NDUFAF2: variants seen among roughly 807,000 people sequenced by gnomAD.
The protein encoded by NDUFAF2 is NADH dehydrogenase [ubiquinone] 1 alpha subcomplex assembly factor 2.
In NDUFAF2, 13 loss-of-function variants were observed where a neutral mutation model predicts 22.8. The observed-to-expected ratio is 0.57, with a 90% CI of 0.37 to 0.91. NDUFAF2 has a LOEUF of 0.91. Ranked by LOEUF, NDUFAF2 falls within the 40% of genes least tolerant of loss-of-function variation. NDUFAF2 has a pLI of 0.01. For missense variants in NDUFAF2, 162 were observed against 195.2 expected (o/e 0.83, Z 1.01); for synonymous variants, 53 against 64.2 (o/e 0.83, Z 0.84).
At chr5:61,063,365 G>A (rs1411456813) in intron 1 of NDUFAF2, among the ~76,000 whole-genome samples, 2 of 151,692 alleles carry the variant, frequency 1.3e-5, no homozygotes, top group Admixed American at 6.6e-5. Context: ...AAAGTTAGCT[G>A]GGTGTTGTGG....
At chr5:61,041,156 AAG>A (rs1751877579) in intron 1 of NDUFAF2, among the ~76,000 whole-genome samples, 2 of 152,204 alleles carry the variant, frequency 1.3e-5, no homozygotes, top group Non-Finnish European at 2.9e-5. Context: ...AGTAACATCT[AAG>A]AGGATATATA....
At chr5:61,144,978 T>C (rs1472780742) in intron 3 of NDUFAF2, among the ~76,000 whole-genome samples, 2 of 152,200 alleles carry the variant, frequency 1.3e-5, no homozygotes, top group Non-Finnish European at 2.9e-5. Flanking sequence ...AAAGTTAATG[T>C]ATAGTAGGAT....
At chr5:61,114,560 G>A (rs1416424216) in intron 3 of NDUFAF2, 1 of 152,142 alleles carries the variant, frequency 6.6e-6, no homozygotes, top group Non-Finnish European at 1.5e-5. Flanking sequence ...CTTTGATGAG[G>A]TTTTGTTTTC....
chr5:61,081,865 T>A (rs1329077214), intron 2 of NDUFAF2, among the ~76,000 whole-genome samples: 1 of 152,258 alleles, frequency 6.6e-6, no homozygotes, highest in East Asian at 1.9e-4. Flanking sequence ...AAAAGCAATC[T>A]GGCAAGGAAC....
intron 1 of NDUFAF2, among the ~76,000 whole-genome samples, chr5:61,023,425 A>G (rs555569714): frequency 2.0e-5 from 3 of 152,142 alleles, no homozygotes; most frequent in Non-Finnish European, 4.4e-5. Flanking sequence ...TATTTATTAC[A>G]TCAGCTAAAG....
chr5:61,126,008 G>T (rs295577), intron 3 of NDUFAF2, among the ~76,000 whole-genome samples: 25 of 151,974 alleles, frequency 1.6e-4, no homozygotes, highest in Admixed American at 5.3e-4. Flanking sequence ...TAGTACCAAA[G>T]GAAAGATCCA....
intron 3 of NDUFAF2, among the ~76,000 whole-genome samples, chr5:61,144,805 G>A (rs1424587170): frequency 6.6e-6 from 1 of 152,158 alleles, no homozygotes; most frequent in Non-Finnish European, 1.5e-5. Context: ...GGTTTAAATA[G>A]CTTTAGTTTT....
intron 1 of NDUFAF2, among the ~76,000 whole-genome samples, chr5:61,056,939 T>A (rs1752107558): frequency 2.5e-5 from 3 of 122,240 alleles, no homozygotes; most frequent in African/African-American, 6.6e-5. Context: ...TATATATATA[T>A]ATATATATAT....
intron 1 of NDUFAF2, among the ~76,000 whole-genome samples, chr5:61,033,913 T>C (rs1286161730): frequency 6.6e-6 from 1 of 152,130 alleles, no homozygotes; most frequent in Admixed American, 6.6e-5. Context: ...TTTGATAAAT[T>C]AATAGCTGAC....
rs182868041 is a variant in NDUFAF2, at chr5:61,107,669, T to G, written c.258+8637T>G. Among the ~76,000 whole-genome samples, 22 of 150,040 alleles carry G rather than the reference T, an allele frequency of 1.5e-4. No homozygotes were observed. The East Asian group carries it at 4.3e-3, about 29-fold the overall frequency. ...CTCTTTTTTTAATTATGATTACTATTATTATTATTATTATACTTTAAGTTT... is the reference window on the plus strand; with the variant it reads ...CTCTTTTTTTAATTATGATTACTATGATTATTATTATTATACTTTAAGTTT... On this transcript the variant is annotated intron_variant, in intron 3 of 3. Transcript: ENST00000296597.
intron 3 of NDUFAF2, among the ~76,000 whole-genome samples, chr5:61,141,380 G>T (rs909471504): frequency 6.6e-6 from 1 of 151,976 alleles, no homozygotes; most frequent in African/African-American, 2.4e-5. Context: ...TAGATTGTGA[G>T]TTCTTTGAGC....
chr5:61,101,358 A>G (rs1489182404), intron 3 of NDUFAF2, among the ~76,000 whole-genome samples: 2 of 152,170 alleles, frequency 1.3e-5, no homozygotes, highest in African/African-American at 4.8e-5. Flanking sequence ...CATTTTAAAT[A>G]GTTTTTTCAC....
intron 1 of NDUFAF2, among the ~76,000 whole-genome samples, chr5:61,049,549 CTT>C (rs1751996319): frequency 6.6e-6 from 1 of 152,096 alleles, no homozygotes; most frequent in African/African-American, 2.4e-5. Flanking sequence ...CTCCAGAACT[CTT>C]TTTATCTTGC....
At chr5:61,108,401 T>G (rs1384951553) in intron 3 of NDUFAF2, among the ~76,000 whole-genome samples, 2 of 151,038 alleles carry the variant, frequency 1.3e-5, no homozygotes, top group Non-Finnish European at 2.9e-5. Context: ...TTGTAACTGG[T>G]GTGAGATGGT....
chr5:60,994,275 A>G (rs1751199747), intron 1 of NDUFAF2, among the ~76,000 whole-genome samples: 1 of 152,204 alleles, frequency 6.6e-6, no homozygotes, highest in South Asian at 2.1e-4. Context: ...GTCTCCCGAG[A>G]GTGCACAGAT....
At chr5:60,978,138 A>C (rs905455675) in intron 1 of NDUFAF2, among the ~76,000 whole-genome samples, 3 of 152,178 alleles carry the variant, frequency 2.0e-5, no homozygotes, top group African/African-American at 7.2e-5. Context: ...GCCCTGTCAC[A>C]GTGGAATGCA....
At chr5:61,152,080 T>C (rs1741249226) in intron 3 of NDUFAF2, among the ~76,000 whole-genome samples, 1 of 152,184 alleles carries the variant, frequency 6.6e-6, no homozygotes, top group African/African-American at 2.4e-5. Flanking sequence ...AACTGCATTG[T>C]ACAATCTGTT....
chr5:60,963,843 G>T (rs944972421), intron 1 of NDUFAF2, among the ~76,000 whole-genome samples: 2 of 152,158 alleles, frequency 1.3e-5, no homozygotes, highest in Non-Finnish European at 2.9e-5. Context: ...TAAATGTGAT[G>T]GTTAGGGTAG....
At chr5:61,026,544 G>A (rs1458390790) in intron 1 of NDUFAF2, among the ~76,000 whole-genome samples, 1 of 152,056 alleles carries the variant, frequency 6.6e-6, no homozygotes, top group East Asian at 1.9e-4. Context: ...GTATAGTACA[G>A]GTTTTCATAA....
Sources: allele counts gnomAD v4.1 joint callset (sites outside exome capture counted in the v4.1 genomes callset), GRCh38; gene constraint gnomAD v4.1.1; transcripts MANE v1.5; gene names NCBI Gene and HGNC (gene_info 2026-07-23, HGNC 2026-07-21).